Variants in FIRRM observed in about 807,000 individuals in gnomAD.
FIRRM encodes FIGNL1 interacting regulator of recombination and mitosis.
chr1:169,790,496 C>T, the FIRRM span, among the ~76,000 whole-genome samples: 1 of 151,968 alleles, frequency 6.6e-6, no homozygotes, highest in Non-Finnish European at 1.5e-5. Context: ...CCAAATTTAT[C>T]TTTAATGCCC....
the FIRRM span, among the ~76,000 whole-genome samples, chr1:169,800,112 C>T: frequency 6.6e-6 from 1 of 152,192 alleles, no homozygotes; most frequent in African/African-American, 2.4e-5. Context: ...TAGCTCACTG[C>T]AGCCTCCATC....
chr1:169,835,163 A>C, the FIRRM span, among the ~76,000 whole-genome samples: 8 of 152,336 alleles, frequency 5.3e-5, no homozygotes, highest in African/African-American at 1.9e-4. Flanking sequence ...GTAAAATAAG[A>C]ACCCAAATTT....
chr1:169,799,032 T>G, the FIRRM span: 1 of 554,908 alleles, frequency 1.8e-6, no homozygotes, highest in Admixed American at 3.2e-5. Context: ...TCGGTAGATG[T>G]GTTCTTACAG....
the FIRRM span, among the ~76,000 whole-genome samples, chr1:169,809,265 C>T: frequency 1.3e-5 from 2 of 152,106 alleles, no homozygotes; most frequent in Admixed American, 1.3e-4. Context: ...TTCCTTTTTC[C>T]CTTTCCTTTT....
the FIRRM span, chr1:169,850,973 G>A: frequency 2.0e-5 from 2 of 99,130 alleles, no homozygotes; most frequent in South Asian, 8.4e-4. Flanking sequence ...GTATAATTTA[G>A]GCATGGCTTT....
chr1:169,827,605 T>G, the FIRRM span: 1 of 1,285,268 alleles, frequency 7.8e-7, no homozygotes, highest in Non-Finnish European at 1.1e-6. Context: ...ACCACTGCAC[T>G]CCAGGCTGGG....
At chr1:169,843,722 C>T in the FIRRM span, 28 of 1,612,878 alleles carry the variant, frequency 1.7e-5, no homozygotes, top group Non-Finnish European at 2.2e-5. Flanking sequence ...TTTACTTCCA[C>T]TGTTGGGATT....
chr1:169,836,911 T>C, the FIRRM span: 1 of 1,598,084 alleles, frequency 6.3e-7, no homozygotes, highest in South Asian at 1.1e-5. Flanking sequence ...CTTCTTTCTT[T>C]AACAATTTAT....
chr1:169,808,379 AC>A, the FIRRM span, among the ~76,000 whole-genome samples: 1 of 152,144 alleles, frequency 6.6e-6, no homozygotes, highest in African/African-American at 2.4e-5. Context: ...ATATAGTCAT[AC>A]ATTTGTTTTT....
chr1:169,840,293 A>C, the FIRRM span, among the ~76,000 whole-genome samples: 1 of 152,170 alleles, frequency 6.6e-6, no homozygotes, highest in Non-Finnish European at 1.5e-5. Context: ...AAAAGCATTG[A>C]ATCTGTAGAT....
the FIRRM span, chr1:169,853,489 C>A: frequency 6.0e-6 from 3 of 496,484 alleles, no homozygotes. Flanking sequence ...TGCACAAAGG[C>A]TCTTCCTCCT....
chr1:169,823,396 GTTTTA>G, the FIRRM span: 9 of 1,574,566 alleles, frequency 5.7e-6, no homozygotes, highest in Non-Finnish European at 7.0e-6. Context: ...GAATAGAGTT[GTTTTA>G]TTTTAGGAAT....
the FIRRM span, chr1:169,784,989 G>A: frequency 6.6e-6 from 1 of 152,206 alleles, no homozygotes; most frequent in East Asian, 1.9e-4. Context: ...TGTTTAGTCT[G>A]CCAGTATTGG....
At chr1:169,807,650 C>T in the FIRRM span, 1 of 657,102 alleles carries the variant, frequency 1.5e-6, no homozygotes, top group Non-Finnish European at 2.3e-6. Flanking sequence ...GTAAACTGGG[C>T]ACATCTTAGT....
the FIRRM span, chr1:169,798,901 C>T: frequency 7.7e-7 from 1 of 1,296,090 alleles, no homozygotes; most frequent in Non-Finnish European, 1.1e-6. Context: ...ATACTAGTAT[C>T]TTCCTTAATT....
chr1:169,794,810 C>A, the FIRRM span: 1 of 391,316 alleles, frequency 2.6e-6, no homozygotes. Context: ...TACAGTGATC[C>A]AGACCTGGGG....
At chr1:169,784,176 C>T in the FIRRM span, among the ~76,000 whole-genome samples, 1,044 of 152,294 alleles carry the variant, frequency 6.9e-3, 10 homozygotes, top group Non-Finnish European at 0.011. Flanking sequence ...GGTTATTCTA[C>T]ATATAAAGTT....
At chr1:169,797,583 C>A in the FIRRM span, among the ~76,000 whole-genome samples, 1 of 152,138 alleles carries the variant, frequency 6.6e-6, no homozygotes, top group African/African-American at 2.4e-5. Flanking sequence ...GAGACGGAGT[C>A]TCACCCTGTC....
the FIRRM span, chr1:169,853,493 T>C: frequency 2.0e-6 from 1 of 501,756 alleles, no homozygotes; most frequent in Non-Finnish European, 3.5e-6. Context: ...CAAAGGCTCT[T>C]CCTCCTGGAA....
Sources: gnomAD v4.1 joint callset for allele counts (sites outside exome capture counted in the v4.1 genomes callset) on GRCh38, gnomAD v4.1.1 for gene constraint, MANE v1.5 for transcripts, NCBI Gene and HGNC (gene_info 2026-07-23, HGNC 2026-07-21) for gene names.